CPSF1: variants seen among roughly 807,000 people sequenced by gnomAD.
CPSF1 encodes cleavage and polyadenylation specificity factor subunit 1.
Under a neutral mutation model 175.8 loss-of-function variants are expected in CPSF1, and 106 were observed. The observed-to-expected ratio is 0.60, with a 90% confidence interval of 0.52 to 0.71. The LOEUF is 0.71. Among genes scored for constraint, CPSF1 ranks in the 30% least tolerant of loss-of-function variants. The pLI, the probability that CPSF1 is intolerant of heterozygous loss-of-function variation, is 0.00. For missense variants in CPSF1, 1,734 were observed against 2,022.9 expected, an observed-to-expected ratio of 0.86 and a Z score of 2.74; for synonymous variants, 1,024 against 858.3, an observed-to-expected ratio of 1.19 and a Z score of -3.37.
At chr8:144,398,702 G>A (rs1402296343) in intron 17 of CPSF1, 64 bp from the exon 18 acceptor site, 109 of 1,600,778 alleles carry the variant, frequency 6.8e-5, no homozygotes, top group African/African-American at 5.4e-5. Flanking sequence ...ACGCAGGTGC[G>A]ACCTGGGCAC....
rs782513823 is a variant in CPSF1, at chr8:144,396,594, C to G, written c.2826+4G>C. On this transcript the variant is annotated splice_donor_region_variant and intron_variant, in intron 25 of 37. Coordinates refer to ENST00000616140, the MANE Select transcript of CPSF1 (RefSeq NM_013291.3). ...CACAGACCCCTGCAAAGGCGCTGGC[C>G]TACCCCTGAGTAGCCATAAATATCC... The G allele has an allele frequency of 6.2e-7, 1 of 1,612,212 alleles. No individual in the cohort carries two copies. Among genetic ancestry groups the G allele is most frequent in the South Asian group, 1.1e-5 (1 of 90,996 alleles).
chr8:144,395,425 G>T lies in CPSF1; in HGVS notation c.3096+10C>A, dbSNP rs782529087. 2.3e-4 allele frequency: 365 copies of T among 1,612,692 alleles called. No homozygotes were observed. Among genetic ancestry groups the T allele is most frequent in the Non-Finnish European group, 3.0e-4 (352 of 1,179,768 alleles). On this transcript the variant is annotated intron_variant, in intron 27 of 37. Transcript: ENST00000616140. Reference sequence around the variant, plus strand: ...AGAAGGTCCCTGGTGGGGTGGGGGTGGGGGCAGACCTTAGACTCCACGTGG... The same window carrying T: ...AGAAGGTCCCTGGTGGGGTGGGGGTTGGGGCAGACCTTAGACTCCACGTGG...
chr8:144,402,717 G>C (rs2130776900), intron 2 of CPSF1, among the ~76,000 whole-genome samples: 1 of 152,206 alleles, frequency 6.6e-6, no homozygotes, highest in East Asian at 1.9e-4. Flanking sequence ...CAACTCCAGG[G>C]CTTCACCCGC....
intron 2 of CPSF1, among the ~76,000 whole-genome samples, chr8:144,403,725 T>C (rs143354001): frequency 0.016 from 2,145 of 131,762 alleles, 27 homozygotes; most frequent in Non-Finnish European, 0.024. Context: ...GCTATTTTTG[T>C]ATTTTTAATA....
Position 144,394,042 on chromosome 8 carries a change from G to A in CPSF1, c.3860-4C>T. The A allele has an allele frequency of 6.2e-7, 1 of 1,611,062 alleles. No homozygotes were observed. The highest frequency in any genetic ancestry group is 8.5e-7 in the Non-Finnish European group (1 of 1,178,236). The stretch of plus-strand genomic sequence containing the variant: ...ATGCCCCCGAAACTCTCCTTGGCTA[G>A]ACCAGAAAGGCCTAGGGGTCACTGC... On this transcript the variant is annotated splice_region_variant and splice_polypyrimidine_tract_variant and intron_variant, in intron 34 of 37. Transcript: ENST00000616140.
At position 144,409,076 on chromosome 8, in the gene CPSF1, C is replaced by T. The variant is rs2116913031; in HGVS notation, c.83G>A (p.Arg28His). 1.1e-5 allele frequency: 18 copies of T among 1,613,844 alleles called. No homozygotes were observed. The highest frequency in any genetic ancestry group is 1.5e-5 in the Non-Finnish European group (18 of 1,179,908). Residue 28 changes from arginine (R) to histidine (H), a missense_variant, in exon 2 of 38, where the codon CGC (arginine) becomes CAC (histidine). Physicochemically the swap from Arg to His is conservative, Grantham distance 29. Coordinates refer to ENST00000616140, the MANE Select transcript of CPSF1 (RefSeq NM_013291.3). ...CGAGGTCCCGGCCACTACCAGGTTG[C>T]GCTCGCTGTTGTTGAAGAAGTTGCA... ...MYCNFFNNSE[R>H]NLVVAGTSQL...
At chr8:144,396,181 G>A (rs1820714421) in intron 26 of CPSF1, 167 bp downstream of exon 26, 2 of 730,728 alleles carry the variant, frequency 2.7e-6, no homozygotes, top group Non-Finnish European at 4.4e-6. Flanking sequence ...GACCTTTGGA[G>A]CAACCAAGTC....
In CPSF1 at chr8:144,400,135, G is replaced by GCCCCC. The variant is rs1491238659; in HGVS notation, c.937+26_937+30dup. The GCCCCC allele has an allele frequency of 3.6e-4, 319 of 895,254 alleles. 5 individuals are homozygous for GCCCCC. The highest frequency in any genetic ancestry group is 7.7e-4 in the South Asian group (47 of 61,188). The allele number at this position is 895,254 out of a possible 1,614,324, so 55.5% of individuals were successfully genotyped here. On this transcript the variant is annotated intron_variant, in intron 9 of 37. Coordinates refer to ENST00000616140, the MANE Select transcript of CPSF1 (RefSeq NM_013291.3). ...CTAGGCAGGCCCAAGCCGTCCCCGG[G>GCCCCC]CCCCCCCCGCCCCAGCCACCCCACA...
chr8:144,399,459 G>A lies in CPSF1; in HGVS notation c.1287C>T (p.Gly429=), dbSNP rs1207164244. The part of the protein sequence containing the change: ...SKKKRVDATA[G]WSAAGKSVPQ... ...CCCTGGACCGGCCCTCACCTGACCA[G>A]CCGGCCGTCGCATCCACTCGCTTCT... Residue 429 remains glycine (G), a synonymous_variant, in exon 13 of 38, where the codon GGC becomes GGT. Coordinates refer to ENST00000616140, the MANE Select transcript of CPSF1 (RefSeq NM_013291.3). The surrounding 1 kb of genome is among the most constrained non-coding windows in gnomAD (Gnocchi z 6.4). 1.9e-6 allele frequency: 3 copies of A among 1,612,798 alleles called. No individual in the cohort carries two copies. The highest frequency in any genetic ancestry group is 2.7e-5 in the African/African-American group (2 of 74,936).
In CPSF1 at chr8:144,409,010, C is replaced by A. The variant is rs1821650462; in HGVS notation, c.144+5G>T. ...AGCCGGGAGGGCTCCCAGGGCCCGA[C>A]CTACCTCGGCGTCGCGGTTGAGGCG... On this transcript the variant is annotated splice_donor_5th_base_variant and intron_variant, in intron 2 of 37. Coordinates refer to ENST00000616140, the MANE Select transcript of CPSF1 (RefSeq NM_013291.3). The A allele has an allele frequency of 6.2e-7, 1 of 1,612,226 alleles. No individual in the cohort carries two copies. The highest frequency in any genetic ancestry group is 8.5e-7 in the Non-Finnish European group (1 of 1,179,386).
chr8:144,399,076 C>G lies in CPSF1; in HGVS notation c.1468-38G>C, dbSNP rs1471277018. 3 of 1,546,774 alleles carry G rather than the reference C, an allele frequency of 1.9e-6. No homozygotes were observed. The highest frequency in any genetic ancestry group is 1.4e-5 in the African/African-American group (1 of 72,906). On this transcript the variant is annotated intron_variant, in intron 15 of 37. Coordinates refer to ENST00000616140, the MANE Select transcript of CPSF1 (RefSeq NM_013291.3). The surrounding 1 kb of genome is among the most constrained non-coding windows in gnomAD (Gnocchi z 6.4). The stretch of plus-strand genomic sequence containing the variant: ...CGGGGGTGAGGACTATGCCCCCCAC[C>G]CCCCCTCACACTCCAGCCCCTGCCC...
At chr8:144,396,278 T>C in intron 26 of CPSF1, 70 bp downstream of exon 26, 1 of 1,472,244 alleles carries the variant, frequency 6.8e-7, no homozygotes, top group Non-Finnish European at 9.2e-7. Context: ...TCCCTTCTCC[T>C]GTCCCCTCCC....
In CPSF1 at chr8:144,409,311, G is replaced by C; in HGVS notation, c.-37C>G. 1.8e-6 allele frequency: 1 copy of C among 561,010 alleles called. No individual in the cohort carries two copies. Among genetic ancestry groups the C allele is most frequent in the Non-Finnish European group, 2.5e-6 (1 of 393,732 alleles). 34.8% of individuals were successfully genotyped at this position (561,010 alleles called of 1,614,324 possible). A position where few individuals can be genotyped will look rare whatever the true frequency, so the allele number is the denominator to read the frequency against. On this transcript the variant is annotated 5_prime_UTR_variant, in exon 1 of 38. Coordinates refer to ENST00000616140, the MANE Select transcript of CPSF1 (RefSeq NM_013291.3). Reference sequence around the variant, plus strand: ...CACCTGGCAGTTGGAGCCGACTCGAGAGGAACCGGGACAGCAGCGAACTCA... The same window carrying C: ...CACCTGGCAGTTGGAGCCGACTCGACAGGAACCGGGACAGCAGCGAACTCA...
Sources: gnomAD v4.1 joint callset for allele counts (sites outside exome capture counted in the v4.1 genomes callset) on GRCh38, gnomAD v4.1.1 for gene constraint, Gnocchi (gnomAD v3.1) non-coding constraint, MANE v1.5 for transcripts, NCBI Gene and HGNC (gene_info 2026-07-23, HGNC 2026-07-21) for gene names.